Variants in UNC5A observed in about 807,000 individuals in gnomAD.
The protein encoded by UNC5A is netrin receptor UNC5A.
Under a neutral mutation model 87.4 loss-of-function variants are expected in UNC5A, and 20 were observed. The observed-to-expected ratio is 0.23, with a 90% CI of 0.16 to 0.33. The LOEUF is 0.33. Ranked by LOEUF, UNC5A falls within the 10% of genes least tolerant of loss-of-function variation. The probability of loss-of-function intolerance (pLI) is 1.00; values close to 1 mark genes in which losing one functional copy is unlikely to be tolerated. For synonymous variants in UNC5A, 438 were observed against 482.3 expected (o/e 0.91, Z 1.20); for missense variants, 844 against 1,133.4 (o/e 0.74, Z 3.67).
chr5:176,815,293 TC>T (rs1418153425), intron 1 of UNC5A, among the ~76,000 whole-genome samples: 1 of 152,224 alleles, frequency 6.6e-6, no homozygotes, highest in Non-Finnish European at 1.5e-5. Context: ...GAGCTCAGCT[TC>T]CTGCAATCAG....
chr5:176,869,576 C>G lies in UNC5A; in HGVS notation c.721+612C>G, dbSNP rs1181583747. 1 of 684,142 alleles carries G rather than the reference C, an allele frequency of 1.5e-6. No homozygotes were observed. Among genetic ancestry groups the G allele is most frequent in the Non-Finnish European group, 2.7e-6 (1 of 374,420 alleles). 42.4% of individuals were successfully genotyped at this position (684,142 alleles called of 1,614,324 possible). A position where few individuals can be genotyped will look rare whatever the true frequency, so the allele number is the denominator to read the frequency against. ...CCTGGGCCAGTGTATCTGAGGACGC[C>G]CCCGCTCCCTGACCCCAGTCCTTCT... On this transcript the variant is annotated intron_variant, in intron 5 of 14. Transcript: ENST00000329542. This position sits in a 1 kb window ranked among gnomAD's most constrained non-coding sequence, Gnocchi z 9.1.
chr5:176,813,958 CCCT>C (rs1399071113), intron 1 of UNC5A, among the ~76,000 whole-genome samples: 1 of 152,204 alleles, frequency 6.6e-6, no homozygotes, highest in Non-Finnish European at 1.5e-5. Flanking sequence ...CCCTGCCGTC[CCCT>C]CCTCCTATTC....
chr5:176,829,712 TC>T (rs1310390177), intron 1 of UNC5A, among the ~76,000 whole-genome samples: 1 of 151,922 alleles, frequency 6.6e-6, no homozygotes, highest in African/African-American at 2.4e-5. Flanking sequence ...CACAGAAGAC[TC>T]CCTTGCCATA....
At chr5:176,877,440 C>T in intron 9 of UNC5A, 95 bp from the exon 10 acceptor site, 1 of 1,442,508 alleles carries the variant, frequency 6.9e-7, no homozygotes, top group Non-Finnish European at 9.4e-7. Context: ...GCCCCTGGCC[C>T]CTGGGATGCT....
In UNC5A at chr5:176,874,973, C is replaced by T. The variant is rs1045128678; in HGVS notation, c.1378+407C>T. On this transcript the variant is annotated intron_variant, in intron 8 of 14. Coordinates refer to ENST00000329542, the MANE Select transcript of UNC5A (RefSeq NM_133369.3). The surrounding 1 kb of genome is among the most constrained non-coding windows in gnomAD (Gnocchi z 7.6). ...ATCCTGGCTTCCACCCACCCCAGCA[C>T]CGAAACCCTCTGAAGAACTCTTTCC... 1.3e-5 allele frequency among the ~76,000 whole-genome samples: 2 copies of T among 152,212 alleles called. No homozygotes were observed. Among genetic ancestry groups the T allele is most frequent in the African/African-American group, 2.4e-5 (1 of 41,446 alleles).
chr5:176,874,727 G>A lies in UNC5A; in HGVS notation c.1378+161G>A, dbSNP rs551505013. ...CCCAGTCTTGGCTGGCACCGAGGCC[G>A]TGGCCAGAGCTGTCTTCCTCTTGTT... On this transcript the variant is annotated intron_variant, in intron 8 of 14. Coordinates refer to ENST00000329542, the MANE Select transcript of UNC5A (RefSeq NM_133369.3). The surrounding 1 kb of genome is among the most constrained non-coding windows in gnomAD (Gnocchi z 7.6). Among the ~76,000 whole-genome samples, 9 of 152,328 alleles carry A rather than the reference G, an allele frequency of 5.9e-5. No homozygotes were observed. The highest frequency in any genetic ancestry group is 7.2e-5 in the African/African-American group (3 of 41,576).
In UNC5A at chr5:176,866,788, C is replaced by T. The variant is rs2149365797; in HGVS notation, c.293-1342C>T. Among the ~76,000 whole-genome samples, 1 of 152,258 alleles carries T rather than the reference C, an allele frequency of 6.6e-6. No homozygotes were observed. Among genetic ancestry groups the T allele is most frequent in the African/African-American group, 2.4e-5 (1 of 41,566 alleles). On this transcript the variant is annotated intron_variant, in intron 2 of 14. Transcript: ENST00000329542. The surrounding 1 kb of genome is among the most constrained non-coding windows in gnomAD (Gnocchi z 5.0). ...CTCGTTCTCAGCCTGCCCACCCCAC[C>T]CCCTGAGAGTGTCCACACTGGGTGT...
Position 176,878,555 on chromosome 5 carries a change from C to T in UNC5A, c.2100C>T (p.Ser700=). Residue 700 remains serine, a synonymous_variant, in exon 13 of 15, where the codon AGC becomes AGT. Transcript: ENST00000329542. ...TCACCCTGGAGCGTGTCAGCCCCAGCACTAGTGACCTGGCCTGCAAGCTGT... is the reference window on the plus strand; with the variant it reads ...TCACCCTGGAGCGTGTCAGCCCCAGTACTAGTGACCTGGCCTGCAAGCTGT... ...CTFTLERVSP[S]TSDLACKLWV... is the part of the protein sequence containing the mutation. The T allele has an allele frequency of 6.2e-7, 1 of 1,613,184 alleles. No individual in the cohort carries two copies. Among genetic ancestry groups the T allele is most frequent in the Non-Finnish European group, 8.5e-7 (1 of 1,179,988 alleles).
chr5:176,813,480 C>T (rs933045429), intron 1 of UNC5A, among the ~76,000 whole-genome samples: 2 of 152,242 alleles, frequency 1.3e-5, no homozygotes, highest in Admixed American at 1.3e-4. Context: ...CTAGGAGATA[C>T]CCTGTTCCTG....
intron 1 of UNC5A, among the ~76,000 whole-genome samples, chr5:176,843,747 C>A (rs1008102901): frequency 6.6e-6 from 1 of 152,238 alleles, no homozygotes; most frequent in Non-Finnish European, 1.5e-5. Flanking sequence ...GCCCTGGAGC[C>A]CCCCTGCTCA....
rs761660125 is a variant in UNC5A, at chr5:176,874,093, G to T, written c.1012G>T (p.Val338Leu). 6.2e-7 allele frequency: 1 copy of T among 1,614,044 alleles called. No homozygotes were observed. The highest frequency in any genetic ancestry group is 1.1e-5 in the South Asian group (1 of 91,080). ...CRKKEGLDSD[V>L]ADSSILTSGF... ...GAAGAAGGAGGGGCTGGACTCAGAT[G>T]TGGCTGACTCGTCCATTCTCACCTC... The change falls in exon 7 of 15, where the codon GTG (valine) becomes TTG (leucine). Residue 338 changes from valine (V) to leucine (L), a missense_variant. Transcript: ENST00000329542. The surrounding 1 kb of genome is among the most constrained non-coding windows in gnomAD (Gnocchi z 7.6).
At chr5:176,835,757 G>GTGTA (rs1426572353) in intron 1 of UNC5A, among the ~76,000 whole-genome samples, 1 of 150,796 alleles carries the variant, frequency 6.6e-6, no homozygotes, top group African/African-American at 2.5e-5. Flanking sequence ...GTGTGTGTGT[G>GTGTA]TGTGTCCTGA....
rs772660247 is a variant in UNC5A at position 176,874,292 on chromosome 5, G to C, written c.1104G>C (p.Pro368=). The C allele has an allele frequency of 1.9e-6, 3 of 1,601,640 alleles. No homozygotes were observed. The highest frequency in any genetic ancestry group is 2.2e-5 in the East Asian group (1 of 44,708). The change falls in exon 8 of 15, where the codon CCG becomes CCC. Residue 368 remains proline (P), a synonymous_variant. Transcript: ENST00000329542. The surrounding 1 kb of genome is among the most constrained non-coding windows in gnomAD (Gnocchi z 7.6). ...ADNPHLLTIQ[P]DLSTTTTTYQ... Reference sequence around the variant, plus strand: ...ACCCCCATCTGCTCACCATCCAGCCGGACCTCAGCACCACCACCACCACCT... The same window carrying C: ...ACCCCCATCTGCTCACCATCCAGCCCGACCTCAGCACCACCACCACCACCT...
chr5:176,859,193 GCCCTTGCTAGAGGGCATAGCTGCTAGA>G (rs1561659464), intron 1 of UNC5A, among the ~76,000 whole-genome samples: 25 of 60,840 alleles, frequency 4.1e-4, no homozygotes, highest in African/African-American at 2.1e-3. Flanking sequence ...CTGCTAGAAT[GCCCTTGCTAGAGGGCATAGCTGCTAGA>G]ATGTCCTTGC....
rs987707753 is a variant in UNC5A at position 176,844,054 on chromosome 5, G to A, written c.71-18570G>A. Among the ~76,000 whole-genome samples, 1 of 152,266 alleles carries A rather than the reference G, an allele frequency of 6.6e-6. No individual in the cohort carries two copies. The highest frequency in any genetic ancestry group is 1.5e-5 in the Non-Finnish European group (1 of 68,048). ...GAGGAGAGGATTATTTACAGAGACA[G>A]GAGGCAGGGGACGGGGAGGACGAGG... is the stretch of plus-strand genomic sequence containing the variant. On this transcript the variant is annotated intron_variant, in intron 1 of 14. Transcript: ENST00000329542. The surrounding 1 kb of genome is among the most constrained non-coding windows in gnomAD (Gnocchi z 4.2).
At chr5:176,837,898 T>G (rs1227073349) in intron 1 of UNC5A, among the ~76,000 whole-genome samples, 1 of 152,054 alleles carries the variant, frequency 6.6e-6, no homozygotes, top group African/African-American at 2.4e-5. Flanking sequence ...CTTCCTAACC[T>G]CCGGACTCTG....
Position 176,834,665 on chromosome 5 carries a change from T to TTCTCTCTCTCTCTCTCTCTC in UNC5A, c.70+23865_70+23884dup, listed in dbSNP as rs369472376. The stretch of plus-strand genomic sequence containing the variant: ...TCTCTGCAGGTTCCCACGTCCCGTC[T>TTCTCTCTCTCTCTCTCTCTC]TCTCTCTCTCTCTCTCTCTCTCTCT... On this transcript the variant is annotated intron_variant, in intron 1 of 14. Coordinates refer to ENST00000329542, the MANE Select transcript of UNC5A (RefSeq NM_133369.3). Among the ~76,000 whole-genome samples the TTCTCTCTCTCTCTCTCTCTC allele has an allele frequency of 9.3e-4, 94 of 101,356 alleles. 2 individuals are homozygous for TTCTCTCTCTCTCTCTCTCTC. The highest frequency in any genetic ancestry group is 5.5e-3 in the Middle Eastern group (1 of 182). 66.5% of individuals were successfully genotyped at this position (101,356 alleles called of 152,430 possible).
chr5:176,871,980 G>A lies in UNC5A; in HGVS notation c.886+1446G>A, dbSNP rs61453382. On this transcript the variant is annotated intron_variant, in intron 6 of 14. Transcript: ENST00000329542. ...TTCCCATCTGCCCACACTCGCCCCAGCACCACAGCTTCCCATCTGTCCACA... is the reference window on the plus strand; with the variant it reads ...TTCCCATCTGCCCACACTCGCCCCAACACCACAGCTTCCCATCTGTCCACA... Among the ~76,000 whole-genome samples the A allele has an allele frequency of 6.9e-3, 23 of 3,326 alleles. 3 individuals are homozygous for A. Among genetic ancestry groups the A allele is most frequent in the Admixed American group, 0.018 (4 of 228 alleles). 2.2% of individuals were successfully genotyped at this position (3,326 alleles called of 152,430 possible).
chr5:176,822,926 A>T lies in UNC5A; in HGVS notation c.70+12106A>T, dbSNP rs1028561720. ...CAGCAAGCGACAGGGCTGTGACCAC[A>T]TCTCTGAGCTGGGGAGTGACAGGCA... On this transcript the variant is annotated intron_variant, in intron 1 of 14. Coordinates refer to ENST00000329542, the MANE Select transcript of UNC5A (RefSeq NM_133369.3). Among the ~76,000 whole-genome samples, 5 of 152,164 alleles carry T rather than the reference A, an allele frequency of 3.3e-5. No homozygotes were observed. In the East Asian group the frequency reaches 7.7e-4, roughly 23 times the overall value.
Sources: gnomAD v4.1 joint callset for allele counts (sites outside exome capture counted in the v4.1 genomes callset) on GRCh38, gnomAD v4.1.1 for gene constraint, Gnocchi (gnomAD v3.1) non-coding constraint, MANE v1.5 for transcripts, NCBI Gene and HGNC (gene_info 2026-07-23, HGNC 2026-07-21) for gene names.